Variants in NBPF11 observed in about 807,000 individuals in gnomAD.
NBPF11 encodes NBPF family member NBPF11.
In NBPF11, 72 loss-of-function variants were observed where a neutral mutation model predicts 93.9. The observed-to-expected ratio is 0.77, with a 90% CI of 0.63 to 0.93. The LOEUF (loss-of-function observed/expected upper bound fraction) is 0.93, where lower values mean the gene tolerates loss of function less well. Among genes scored for constraint, NBPF11 ranks in the 40% least tolerant of loss-of-function variants. NBPF11 has a pLI of 0.00. For synonymous variants in NBPF11, 224 were observed against 304.9 expected, an observed-to-expected ratio of 0.73 and a Z score of 2.76; for missense variants, 705 against 802.2, an observed-to-expected ratio of 0.88 and a Z score of 1.46.
intron 2 of NBPF11, among the ~76,000 whole-genome samples, chr1:148,139,334 A>G (rs1338693639): frequency 2.8e-5 from 4 of 143,942 alleles, no homozygotes; most frequent in African/African-American, 1.1e-4. Context: ...TCTCTTCTCT[A>G]TTTGTCACAA....
At chr1:148,151,149 T>C (rs1249319474) in intron 1 of NBPF11, among the ~76,000 whole-genome samples, 1 of 151,882 alleles carries the variant, frequency 6.6e-6, no homozygotes, top group Non-Finnish European at 1.5e-5. Flanking sequence ...AGCAACTCTT[T>C]GGACTGCAAA....
chr1:148,104,102 CAGAG>C (rs1193776076), intron 23 of NBPF11, among the ~76,000 whole-genome samples, 190 bp from the exon 24 acceptor site: 11 of 139,770 alleles, frequency 7.9e-5, no homozygotes, highest in African/African-American at 1.7e-4. Context: ...AAGAGAAAGA[CAGAG>C]AGAGAGAGAC....
chr1:148,120,743 T>A, intron 9 of NBPF11, 33 bp from the exon 10 acceptor site: 1 of 1,405,984 alleles, frequency 7.1e-7, no homozygotes, highest in Non-Finnish European at 1.0e-6. Context: ...TATGATGGGT[T>A]AAAAACTGGT....
rs2149252252 is a variant in NBPF11 at position 148,126,866 on chromosome 1, T to G, written c.138A>C (p.Gln46His). Reference protein sequence around the residue: ...RNLKERCFLTQLAGFLANRQK... With the variant: ...RNLKERCFLTHLAGFLANRQK... Reference sequence around the variant, plus strand: ...GTCGGTTGGCCAGGAAGCCGGCCAGTTGAGTTAGAAAACATCTCTCTTTGA... The same window carrying G: ...GTCGGTTGGCCAGGAAGCCGGCCAGGTGAGTTAGAAAACATCTCTCTTTGA... Residue 46 changes from glutamine to histidine, a missense_variant, in exon 5 of 24, where the codon CAA becomes CAC. Around this residue, in one of 12 missense-constraint regions of NBPF11, gnomAD observed 128 missense variants for 112.8 expected, o/e 1.14. Coordinates refer to ENST00000682118, the MANE Select transcript of NBPF11 (RefSeq NM_001385469.3). The G allele has an allele frequency of 6.7e-7, 1 of 1,496,426 alleles. No homozygotes were observed. The highest frequency in any genetic ancestry group is 2.3e-5 in the East Asian group (1 of 44,268). 92.7% of individuals were successfully genotyped at this position (1,496,426 alleles called of 1,614,324 possible).
At chr1:148,110,094 GT>G (rs1664886436) in intron 16 of NBPF11, among the ~76,000 whole-genome samples, 2 of 151,946 alleles carry the variant, frequency 1.3e-5, no homozygotes, top group African/African-American at 4.8e-5. Context: ...GTGCTGCACA[GT>G]TTGGTGTGAG....
In NBPF11 at chr1:148,103,856, T is replaced by C. The variant is rs1315098897; in HGVS notation, c.*40A>G. ...CATTGATGGAGTCGAATAATATCTA[T>C]CCAGTGAGTCCTGTAAGACTTCAGG... On this transcript the variant is annotated 3_prime_UTR_variant, in exon 24 of 24. Coordinates refer to ENST00000682118, the MANE Select transcript of NBPF11 (RefSeq NM_001385469.3). 12 of 1,611,208 alleles carry C rather than the reference T, an allele frequency of 7.4e-6. No individual in the cohort carries two copies. The highest frequency in any genetic ancestry group is 2.2e-4 in the Middle Eastern group (1 of 4,506).
chr1:148,137,266 TTGTTATTGGTTGAAAGATG>T (rs1671457352), intron 3 of NBPF11, among the ~76,000 whole-genome samples: 2 of 151,598 alleles, frequency 1.3e-5, no homozygotes, highest in African/African-American at 4.9e-5. Context: ...ACTCCATAAG[TTGTTATTGGTTGAAAGATG>T]AAACAGACAG....
chr1:148,105,703 G>T (rs1161011407), intron 21 of NBPF11, among the ~76,000 whole-genome samples, 175 bp from the exon 22 acceptor site: 2 of 104,466 alleles, frequency 1.9e-5, no homozygotes, highest in African/African-American at 4.8e-5. Context: ...AAATGGAAAA[G>T]AATGAAAGAG....
At position 148,138,264 on chromosome 1, in the gene NBPF11, G is replaced by A. The variant is rs1298117197; in HGVS notation, c.-276-455C>T. ...ATCTCAGTAGATGGAATATACAATC[G>A]GGCTTTACACCGAGACATTCCATTG... is the stretch of plus-strand genomic sequence containing the variant. On this transcript the variant is annotated intron_variant, in intron 2 of 23. Transcript: ENST00000682118. 1.4e-3 allele frequency among the ~76,000 whole-genome samples: 214 copies of A among 150,482 alleles called. 2 individuals carry two copies. The highest frequency in any genetic ancestry group is 5.0e-3 in the African/African-American group (204 of 40,592).
At chr1:148,146,884 G>A in intron 1 of NBPF11, 2 of 1,613,490 alleles carry the variant, frequency 1.2e-6, no homozygotes, top group African/African-American at 2.7e-5. Flanking sequence ...GAACCTCTAT[G>A]CCGACATCGA....
rs1671259020 is a variant in NBPF11, at chr1:148,136,243, A to C, written c.-177-430T>G. ...AAGCATTTATCCAAGAGAAATTAAA[A>C]CATATGTGCAGAAAATGATATATAC... On this transcript the variant is annotated intron_variant, in intron 3 of 23. Coordinates refer to ENST00000682118, the MANE Select transcript of NBPF11 (RefSeq NM_001385469.3). 5.9e-5 allele frequency among the ~76,000 whole-genome samples: 9 copies of C among 151,880 alleles called. No homozygotes were observed. In the South Asian group the frequency reaches 1.9e-3, roughly 32 times the overall value.
intron 12 of NBPF11, 150 bp from the exon 13 acceptor site, chr1:148,116,685 G>C (rs1210258336): frequency 1.2e-4 from 71 of 595,494 alleles, no homozygotes; most frequent in African/African-American, 4.3e-4. Flanking sequence ...GAATGCCCTG[G>C]CATGGTTTCC....
rs1667608930 is a variant in NBPF11 at position 148,120,656 on chromosome 1, G to A, written c.833C>T (p.Pro278Leu). The A allele has an allele frequency of 1.9e-6, 3 of 1,539,728 alleles. No individual in the cohort carries two copies. Among genetic ancestry groups the A allele is most frequent in the African/African-American group, 1.4e-5 (1 of 73,168 alleles). Residue 278 changes from proline to leucine, a missense_variant, in exon 10 of 24, where the codon CCT becomes CTT. This residue lies in a region of NBPF11 where 262 missense variants were observed against 223.1 expected (regional missense o/e 1.17). Transcript: ENST00000682118. ...CATCTCTGCCTTCTCGCTGGACAAA[G>A]GGCCGGCTGATACCACCATGCTGAC... ...TNVSMVVSAG[P>L]LSSEKAEMNI...
chr1:148,146,600 A>C (rs1368233361), intron 1 of NBPF11: 1 of 1,609,842 alleles, frequency 6.2e-7, no homozygotes, highest in Non-Finnish European at 8.5e-7. Context: ...TGGAAGCTGC[A>C]CCTGACGGAG....
chr1:148,149,684 C>G, intron 1 of NBPF11: 1 of 722,998 alleles, frequency 1.4e-6, no homozygotes, highest in Non-Finnish European at 2.2e-6. Flanking sequence ...GACCCCGCCC[C>G]GACCCAGGGG....
At chr1:148,107,994 A>T (rs1402653324) in intron 18 of NBPF11, among the ~76,000 whole-genome samples, 4 of 151,034 alleles carry the variant, frequency 2.6e-5, no homozygotes, top group African/African-American at 9.8e-5. Context: ...TCCCAATATC[A>T]TTTGTCCCAA....
intron 4 of NBPF11, among the ~76,000 whole-genome samples, chr1:148,133,259 A>T (rs1670714075): frequency 1.3e-5 from 2 of 151,844 alleles, no homozygotes; most frequent in Admixed American, 1.3e-4. Context: ...AAACACAGTC[A>T]TTATCTGTGA....
chr1:148,129,496 C>T (rs1181436646), intron 4 of NBPF11: 1 of 152,754 alleles, frequency 6.5e-6, no homozygotes, highest in Non-Finnish European at 1.5e-5. Context: ...TGGACACCTC[C>T]ATCTACAGCC....
In NBPF11 at chr1:148,118,724, T is replaced by A; in HGVS notation, c.989-2A>T. The A allele has an allele frequency of 1.9e-6, 3 of 1,611,564 alleles. No individual in the cohort carries two copies. The South Asian group carries it at 3.3e-5, about 18-fold the overall frequency. On this transcript the variant is annotated splice_acceptor_variant, in intron 10 of 23. Coordinates refer to ENST00000682118, the MANE Select transcript of NBPF11 (RefSeq NM_001385469.3). LOFTEE classifies it high-confidence loss of function. ...TGAGGTCTTTGCACTCTTCATATTC[T>A]GAGAAAAGACAGACACGCCTGCATC... is the stretch of plus-strand genomic sequence containing the variant.
Sources: gnomAD v4.1 joint callset for allele counts (sites outside exome capture counted in the v4.1 genomes callset) on GRCh38, gnomAD v4.1.1 for gene constraint, gnomAD v4.1.1 regional missense constraint, MANE v1.5 for transcripts, NCBI Gene and HGNC (gene_info 2026-07-23, HGNC 2026-07-21) for gene names.